Variants in ITGA1 observed in about 807,000 individuals in gnomAD.
ITGA1 encodes the protein integrin subunit alpha 1, also known as integrin alpha-1.
ITGA1 carries 85 observed loss-of-function variants against 145.9 expected under a neutral mutation model. The ratio of observed to expected loss-of-function variants is 0.58; its 90% CI spans 0.49 to 0.70. The LOEUF is 0.70. Ranked by LOEUF, ITGA1 falls within the 30% of genes least tolerant of loss-of-function variation. The pLI is 0.00. For synonymous variants in ITGA1, 520 were observed against 495.3 expected (o/e 1.05, Z -0.66); for missense variants, 1,351 against 1,418.7 (o/e 0.95, Z 0.77).
intron 6 of ITGA1, among the ~76,000 whole-genome samples, chr5:52,880,754 G>GA (rs1291089300): frequency 6.6e-6 from 1 of 152,206 alleles, no homozygotes; most frequent in Non-Finnish European, 1.5e-5. Context: ...GAATCACCTG[G>GA]AATTCCTGAA....
chr5:52,908,892 T>A lies in ITGA1; in HGVS notation c.1456-6T>A. 6.2e-7 allele frequency: 1 copy of A among 1,613,448 alleles called. No individual in the cohort carries two copies. The highest frequency in any genetic ancestry group is 8.5e-7 in the Non-Finnish European group (1 of 1,179,586). On this transcript the variant is annotated splice_region_variant and splice_polypyrimidine_tract_variant and intron_variant, in intron 12 of 28. Transcript: ENST00000282588. ...TTGGGCTGTTTTGTTTCATTTTGTG[T>A]CCTAGATTGGTTCCTACTTTGGCAG... is the stretch of plus-strand genomic sequence containing the variant.
chr5:52,948,310 G>A (rs1046273558), intron 28 of ITGA1, among the ~76,000 whole-genome samples: 8 of 152,076 alleles, frequency 5.3e-5, no homozygotes, highest in African/African-American at 1.9e-4. Context: ...TTTACCTATT[G>A]TTTTGTTAAA....
Position 52,893,772 on chromosome 5 carries a change from A to AT in ITGA1, c.1023dup (p.Val342CysfsTer3). On this transcript the variant is annotated frameshift_variant, in exon 9 of 29. Transcript: ENST00000282588. LOFTEE classifies it high-confidence loss of function. ...GAACCCACTGAAAAGCATTTCTTCA[A>AT]TGTCTCTGATGAATTGGCTCTAGTC... 6.2e-7 allele frequency: 1 copy of AT among 1,612,842 alleles called. No individual in the cohort carries two copies. Among genetic ancestry groups the AT allele is most frequent in the East Asian group, 2.2e-5 (1 of 44,806 alleles).
At chr5:52,839,547 T>C (rs2111735944) in intron 1 of ITGA1, among the ~76,000 whole-genome samples, 1 of 152,358 alleles carries the variant, frequency 6.6e-6, no homozygotes, top group East Asian at 1.9e-4. Flanking sequence ...TCCTATGTAC[T>C]CTGTCCATTC....
chr5:52,802,118 G>A lies in ITGA1; in HGVS notation c.61+13704G>A, dbSNP rs185120633. 7.1e-5 allele frequency: 23 copies of A among 323,604 alleles called. No homozygotes were observed. In the East Asian group the frequency reaches 1.2e-3, roughly 17 times the overall value. The allele number at this position is 323,604 out of a possible 1,614,324, so 20.0% of individuals were successfully genotyped here. ...TGTAGTACTTGGAAACAGAAAATGT[G>A]TGTATTTAAAGACGATGCCTATGCA... On this transcript the variant is annotated intron_variant, in intron 1 of 28. Transcript: ENST00000282588.
At chr5:52,937,291 T>C in intron 23 of ITGA1, 110 bp from the exon 24 acceptor site, 1 of 736,560 alleles carries the variant, frequency 1.4e-6, no homozygotes, top group Non-Finnish European at 2.4e-6. Flanking sequence ...GTTTGGGGAT[T>C]CAAAATATTA....
At chr5:52,942,881 T>C (rs1340536486) in intron 26 of ITGA1, among the ~76,000 whole-genome samples, 2 of 152,152 alleles carry the variant, frequency 1.3e-5, no homozygotes, top group South Asian at 2.1e-4. Context: ...TTGAACATTA[T>C]TGGTGTATAG....
chr5:52,917,790 A>G (rs932056569), intron 15 of ITGA1, among the ~76,000 whole-genome samples: 10 of 152,246 alleles, frequency 6.6e-5, no homozygotes, highest in African/African-American at 2.4e-4. Flanking sequence ...GCTGAGTGGT[A>G]GTATAACAAG....
intron 20 of ITGA1, among the ~76,000 whole-genome samples, chr5:52,928,176 T>C (rs575958637): frequency 6.6e-6 from 1 of 152,204 alleles, no homozygotes; most frequent in Non-Finnish European, 1.5e-5. Flanking sequence ...TTAACAACCT[T>C]GTAACAATTC....
At chr5:52,828,764 A>G (rs1749009198) in intron 1 of ITGA1, among the ~76,000 whole-genome samples, 1 of 152,226 alleles carries the variant, frequency 6.6e-6, no homozygotes, top group African/African-American at 2.4e-5. Context: ...TCTGGAGGCC[A>G]GAAGTCCAAA....
chr5:52,811,175 A>G (rs1001538081), intron 1 of ITGA1, among the ~76,000 whole-genome samples: 1 of 152,368 alleles, frequency 6.6e-6, no homozygotes, highest in Middle Eastern at 3.4e-3. Context: ...GTATGATACA[A>G]GGAAGAAATC....
intron 11 of ITGA1, among the ~76,000 whole-genome samples, chr5:52,899,452 T>A (rs539527799): frequency 6.6e-6 from 1 of 152,312 alleles, no homozygotes; most frequent in African/African-American, 2.4e-5. Flanking sequence ...GCACTGTGAC[T>A]GCTAAAATCT....
intron 2 of ITGA1, among the ~76,000 whole-genome samples, chr5:52,860,384 A>G (rs562015361): frequency 2.6e-4 from 40 of 152,092 alleles, no homozygotes; most frequent in African/African-American, 9.6e-4. Flanking sequence ...TGTCTTTACT[A>G]AAAATACAAA....
At chr5:52,925,955 G>A (rs1219675502) in intron 19 of ITGA1, among the ~76,000 whole-genome samples, 2 of 152,088 alleles carry the variant, frequency 1.3e-5, no homozygotes, top group Non-Finnish European at 2.9e-5. Context: ...ATTTGTAACA[G>A]AGGTTTCTTT....
intron 11 of ITGA1, among the ~76,000 whole-genome samples, chr5:52,900,257 C>A (rs1224764362): frequency 6.6e-6 from 1 of 152,100 alleles, no homozygotes; most frequent in East Asian, 1.9e-4. Flanking sequence ...CCAGCTTAAC[C>A]TGAGGCTTCT....
chr5:52,790,385 CAT>C (rs1367403889), intron 1 of ITGA1, among the ~76,000 whole-genome samples: 1 of 152,176 alleles, frequency 6.6e-6, no homozygotes, highest in Non-Finnish European at 1.5e-5. Context: ...AACAACTTGC[CAT>C]AGATCACCAG....
intron 22 of ITGA1, chr5:52,933,302 T>A (rs1395681791): frequency 6.6e-6 from 1 of 152,038 alleles, no homozygotes; most frequent in Non-Finnish European, 1.5e-5. Context: ...TTTTTCTGTA[T>A]CCACTTCTAT....
At chr5:52,808,676 C>CTTTTT (rs60113844) in intron 1 of ITGA1, among the ~76,000 whole-genome samples, 216 of 69,312 alleles carry the variant, frequency 3.1e-3, no homozygotes, top group South Asian at 4.3e-3. Context: ...TTCTTTCTTT[C>CTTTTT]TTTTTTTTTT....
chr5:52,892,826 G>A (rs1042822944), intron 8 of ITGA1, among the ~76,000 whole-genome samples: 1 of 151,748 alleles, frequency 6.6e-6, no homozygotes, highest in African/African-American at 2.4e-5. Flanking sequence ...TGGTTGCCAG[G>A]GTTGAACGAG....
Sources: allele counts gnomAD v4.1 joint callset (sites outside exome capture counted in the v4.1 genomes callset), GRCh38; gene constraint gnomAD v4.1.1; transcripts MANE v1.5; gene names NCBI Gene and HGNC (gene_info 2026-07-23, HGNC 2026-07-21).